Variants in PEAK1 observed in about 807,000 individuals in gnomAD.
PEAK1 encodes the protein pseudopodium enriched atypical kinase 1, also known as inactive tyrosine-protein kinase PEAK1.
PEAK1 carries 54 observed loss-of-function variants against 124.7 expected under a neutral mutation model. That is an observed-to-expected ratio of 0.43 (90% confidence interval 0.35 to 0.54). The LOEUF is 0.54. PEAK1 is among the 20% of genes least tolerant of loss of function. The pLI is 0.01. For missense variants in PEAK1, 2,046 were observed against 2,134.5 expected, an observed-to-expected ratio of 0.96 and a Z score of 0.82; for synonymous variants, 719 against 760.0, an observed-to-expected ratio of 0.95 and a Z score of 0.89.
At chr15:77,171,686 T>G (rs1280139548) in intron 7 of PEAK1, among the ~76,000 whole-genome samples, 1 of 152,212 alleles carries the variant, frequency 6.6e-6, no homozygotes, top group Non-Finnish European at 1.5e-5. Context: ...GGATACTGAA[T>G]GTTGCCAACA....
At chr15:77,351,723 C>T (rs1386738355) in intron 2 of PEAK1, 1 of 984,990 alleles carries the variant, frequency 1.0e-6, no homozygotes, top group Non-Finnish European at 1.2e-6. Context: ...ACACCCTCCA[C>T]CGTTAACGAG....
chr15:77,401,686 A>G, intron 1 of PEAK1: 1 of 985,052 alleles, frequency 1.0e-6, no homozygotes, highest in Middle Eastern at 5.2e-4. Context: ...CTCAAAATTA[A>G]CACAGAGCAT....
chr15:77,289,623 G>A (rs1271785445), intron 2 of PEAK1, among the ~76,000 whole-genome samples: 1 of 152,136 alleles, frequency 6.6e-6, no homozygotes, highest in Non-Finnish European at 1.5e-5. Flanking sequence ...ATCACCTGTG[G>A]TCAGGAGCTC....
chr15:77,365,083 G>T, intron 2 of PEAK1, 80 bp downstream of exon 2: 1 of 399,698 alleles, frequency 2.5e-6, no homozygotes, highest in Non-Finnish European at 3.4e-6. Context: ...ATTTGATATT[G>T]CCTTAAATTT....
intron 9 of PEAK1, among the ~76,000 whole-genome samples, chr15:77,131,490 T>TCAAAACAAAA (rs1448769709): frequency 6.6e-6 from 1 of 151,882 alleles, no homozygotes; most frequent in Non-Finnish European, 1.5e-5. Flanking sequence ...AGACTCCATC[T>TCAAAACAAAA]CAAAACAAAA....
chr15:77,315,203 T>C (rs1428763189), intron 2 of PEAK1, among the ~76,000 whole-genome samples: 1 of 152,234 alleles, frequency 6.6e-6, no homozygotes, highest in Non-Finnish European at 1.5e-5. Context: ...TGGTTTTGAA[T>C]AGATCTTTAT....
At chr15:77,391,654 G>A (rs967690450) in intron 1 of PEAK1, among the ~76,000 whole-genome samples, 8 of 152,138 alleles carry the variant, frequency 5.3e-5, no homozygotes, top group African/African-American at 1.9e-4. Context: ...AAGAAAAAGT[G>A]TAAAGCACAA....
At position 77,112,642 on chromosome 15, in the gene PEAK1, G is replaced by A. The variant is rs797019076; in HGVS notation, c.*1514C>T. On this transcript the variant is annotated 3_prime_UTR_variant, in exon 10 of 10. Transcript: ENST00000682557. ...CACAGTTTTGAATAAAACAAGCACA[G>A]GTGAACATGTGTATACATACACACA... 6 of 146,478 alleles carry A rather than the reference G, an allele frequency of 4.1e-5. No individual in the cohort carries two copies. Among genetic ancestry groups the A allele is most frequent in the African/African-American group, 1.5e-4 (6 of 39,156 alleles). The allele number at this position is 146,478 out of a possible 1,614,324, so 9.1% of individuals were successfully genotyped here.
At position 77,313,738 on chromosome 15, in the gene PEAK1, A is replaced by ATT. The variant is rs1555478199; in HGVS notation, c.-602-27235_-602-27234insAA. 4.0e-3 allele frequency among the ~76,000 whole-genome samples: 571 copies of ATT among 143,696 alleles called. 1 individual carries two copies. The highest frequency in any genetic ancestry group is 0.012 in the African/African-American group (444 of 38,138). 94.3% of individuals were successfully genotyped at this position (143,696 alleles called of 152,430 possible). ...TGTGTGTGTGTGTGTATATATATATATATTTATTTATTTATTTATTTTTAG... is the reference window on the plus strand; with the variant it reads ...TGTGTGTGTGTGTGTATATATATATATTTATTTATTTATTTATTTATTTTTAG... On this transcript the variant is annotated intron_variant, in intron 2 of 9. Coordinates refer to ENST00000682557, the MANE Select transcript of PEAK1 (RefSeq NM_001385026.1).
chr15:77,352,972 C>A, intron 2 of PEAK1: 1 of 985,326 alleles, frequency 1.0e-6, no homozygotes, highest in Middle Eastern at 5.2e-4. Context: ...GATGCATTAC[C>A]CTCACATTAA....
intron 5 of PEAK1, among the ~76,000 whole-genome samples, chr15:77,263,723 G>C (rs2061563293): frequency 6.6e-6 from 1 of 152,084 alleles, no homozygotes; most frequent in Admixed American, 6.5e-5. Flanking sequence ...CCAATCAATA[G>C]AAAAAGAGGG....
chr15:77,372,956 G>C (rs754185454), intron 1 of PEAK1, among the ~76,000 whole-genome samples: 1 of 152,068 alleles, frequency 6.6e-6, no homozygotes, highest in Non-Finnish European at 1.5e-5. Flanking sequence ...CTAGCAGATG[G>C]CCAGCTTCCT....
At position 77,113,580 on chromosome 15, in the gene PEAK1, CCTTTT is replaced by C. The variant is rs1489058636; in HGVS notation, c.*571_*575del. ...TCTATGACCCAAGGATGGGATCTCT[CCTTTT>C]CTTTCTACTCTCTCCTGGAACAAAA... On this transcript the variant is annotated 3_prime_UTR_variant, in exon 10 of 10. Coordinates refer to ENST00000682557, the MANE Select transcript of PEAK1 (RefSeq NM_001385026.1). 1 of 156,050 alleles carries C rather than the reference CCTTTT, an allele frequency of 6.4e-6. No individual in the cohort carries two copies. Among genetic ancestry groups the C allele is most frequent in the African/African-American group, 2.4e-5 (1 of 41,448 alleles). 9.7% of individuals were successfully genotyped at this position (156,050 alleles called of 1,614,324 possible). A position where few individuals can be genotyped will look rare whatever the true frequency, so the allele number is the denominator to read the frequency against.
intron 2 of PEAK1, among the ~76,000 whole-genome samples, chr15:77,325,164 A>G (rs1041419453): frequency 1.3e-5 from 2 of 152,190 alleles, no homozygotes; most frequent in African/African-American, 2.4e-5. Context: ...CATGCCTACA[A>G]TCTCAACAAT....
chr15:77,386,694 A>G (rs974711265), intron 1 of PEAK1, among the ~76,000 whole-genome samples: 4 of 152,190 alleles, frequency 2.6e-5, no homozygotes, highest in African/African-American at 2.4e-5. Flanking sequence ...TATTTTACAG[A>G]GTGAGAAATG....
chr15:77,281,880 G>T (rs2062693587), intron 5 of PEAK1, among the ~76,000 whole-genome samples: 1 of 152,164 alleles, frequency 6.6e-6, no homozygotes, highest in South Asian at 2.1e-4. Context: ...CAGGCCAACA[G>T]ATTCTGTAAT....
intron 1 of PEAK1, among the ~76,000 whole-genome samples, chr15:77,390,902 C>T (rs1177729787): frequency 6.6e-6 from 1 of 152,122 alleles, no homozygotes; most frequent in East Asian, 1.9e-4. Flanking sequence ...TAGACAGATG[C>T]CCTGGGAATT....
intron 2 of PEAK1, chr15:77,335,426 GC>G: frequency 1.0e-6 from 1 of 984,848 alleles, no homozygotes; most frequent in Non-Finnish European, 1.2e-6. Context: ...TTTTTTTTCT[GC>G]TATTTTGCCC....
chr15:77,417,653 A>C, intron 1 of PEAK1: 2 of 985,414 alleles, frequency 2.0e-6, no homozygotes, highest in Non-Finnish European at 2.4e-6. Context: ...CCATCCAACA[A>C]AAGGGTATGA....
Sources: gnomAD v4.1 joint callset for allele counts (sites outside exome capture counted in the v4.1 genomes callset) on GRCh38, gnomAD v4.1.1 for gene constraint, MANE v1.5 for transcripts, NCBI Gene and HGNC (gene_info 2026-07-23, HGNC 2026-07-21) for gene names.